Variants in PDE3B observed in about 807,000 individuals in gnomAD.
PDE3B encodes the protein phosphodiesterase 3B.
PDE3B carries 66 observed loss-of-function variants against 116.8 expected under a neutral mutation model. That is an observed-to-expected ratio of 0.56 (90% confidence interval 0.46 to 0.69). The LOEUF (loss-of-function observed/expected upper bound fraction) is 0.69. Among genes scored for constraint, PDE3B ranks in the 30% least tolerant of loss-of-function variants. The pLI is 0.00. For missense variants in PDE3B, 1,384 were observed against 1,368.1 expected, an observed-to-expected ratio of 1.01 and a Z score of -0.18; for synonymous variants, 595 against 533.6, an observed-to-expected ratio of 1.12 and a Z score of -1.59.
intron 14 of PDE3B, among the ~76,000 whole-genome samples, chr11:14,866,381 T>C (rs1555008056): frequency 6.6e-6 from 1 of 152,196 alleles, no homozygotes; most frequent in Non-Finnish European, 1.5e-5. Context: ...CAGATATTGA[T>C]GTAAAATTCT....
intron 7 of PDE3B, among the ~76,000 whole-genome samples, chr11:14,825,828 T>C (rs1195925083): frequency 1.3e-5 from 2 of 152,192 alleles, no homozygotes; most frequent in Admixed American, 6.5e-5. Flanking sequence ...CAACAGAATG[T>C]ACATTTTTCT....
rs2133734886 is a variant in PDE3B at position 14,644,252 on chromosome 11, GCGGCCGCCGC to G, written c.183_192del (p.Pro62LeufsTer48). 1.3e-6 allele frequency: 2 copies of G among 1,571,968 alleles called. No homozygotes were observed. The highest frequency in any genetic ancestry group is 4.8e-5 in the East Asian group (2 of 41,724). ...TCTGCCGCTTCTGCAACGTGGAGCT[GCGGCCGCCGC>G]CGGCCTCTCCCCAGCAGCCGCGGCG... On this transcript the variant is annotated frameshift_variant, in exon 1 of 16. Transcript: ENST00000282096. LOFTEE classifies it high-confidence loss of function.
intron 12 of PDE3B, among the ~76,000 whole-genome samples, chr11:14,846,842 A>G (rs1356617560): frequency 1.3e-5 from 2 of 152,218 alleles, no homozygotes; most frequent in East Asian, 3.8e-4. Context: ...TCATAAAGCA[A>G]GTCCTGAGTA....
chr11:14,716,671 ACAC>A (rs1855910464), intron 1 of PDE3B, among the ~76,000 whole-genome samples: 1 of 66,604 alleles, frequency 1.5e-5, no homozygotes, highest in African/African-American at 6.0e-5. Flanking sequence ...CTGACACCTC[ACAC>A]GGCAGGGTAT....
chr11:14,786,333 T>G, intron 2 of PDE3B, 104 bp from the exon 3 acceptor site: 1 of 783,482 alleles, frequency 1.3e-6, no homozygotes, highest in Non-Finnish European at 1.9e-6. Context: ...CACGGTTATT[T>G]GCTACATATA....
At chr11:14,862,650 T>G (rs1339033862) in intron 14 of PDE3B, among the ~76,000 whole-genome samples, 5 of 152,196 alleles carry the variant, frequency 3.3e-5, no homozygotes, top group Non-Finnish European at 5.9e-5. Flanking sequence ...CTCGGCTCAC[T>G]GCAACCTCTG....
At chr11:14,832,971 C>T in intron 10 of PDE3B, 138 bp downstream of exon 10, 3 of 492,262 alleles carry the variant, frequency 6.1e-6, no homozygotes, top group Non-Finnish European at 1.1e-5. Context: ...TTTCTTGAGA[C>T]AAGAGTCTTG....
Position 14,733,678 on chromosome 11 carries a change from G to A in PDE3B, c.979-38259G>A, listed in dbSNP as rs117212651. On this transcript the variant is annotated intron_variant, in intron 1 of 15. Coordinates refer to ENST00000282096, the MANE Select transcript of PDE3B (RefSeq NM_000922.4). ...GCTTTTGTACAGGATCATTTTGTGGGAAATGGTGGGTCTGAAAAGTAAGCC... is the reference window on the plus strand; with the variant it reads ...GCTTTTGTACAGGATCATTTTGTGGAAAATGGTGGGTCTGAAAAGTAAGCC... Among the ~76,000 whole-genome samples, 380 of 152,232 alleles carry A rather than the reference G, an allele frequency of 2.5e-3. 2 individuals carry two copies. Among genetic ancestry groups the A allele is most frequent in the Admixed American group, 5.2e-3 (79 of 15,274 alleles).
intron 11 of PDE3B, among the ~76,000 whole-genome samples, chr11:14,836,170 T>G (rs767834426): frequency 8.5e-5 from 13 of 152,212 alleles, no homozygotes; most frequent in Non-Finnish European, 1.9e-4. Flanking sequence ...GTGCTTTTAT[T>G]AGAGATAATT....
intron 7 of PDE3B, among the ~76,000 whole-genome samples, chr11:14,825,699 A>G (rs1363275300): frequency 1.3e-5 from 2 of 152,246 alleles, no homozygotes; most frequent in Non-Finnish European, 1.5e-5. Context: ...AGAGACTTCA[A>G]CACTCCACTG....
the PDE3B span, chr11:14,892,319 C>A: frequency 1.9e-6 from 2 of 1,035,330 alleles, no homozygotes; most frequent in South Asian, 1.4e-5. Context: ...AGCTCCGTGG[C>A]CATTGGCTGA....
chr11:14,831,441 G>A (rs1037118328), intron 8 of PDE3B, among the ~76,000 whole-genome samples, 199 bp from the exon 9 acceptor site: 1 of 151,756 alleles, frequency 6.6e-6, no homozygotes, highest in African/African-American at 2.4e-5. Context: ...TTACACCCAG[G>A]AGTTATGTTT....
At chr11:14,790,186 T>C (rs1328654928) in intron 4 of PDE3B, among the ~76,000 whole-genome samples, 1 of 152,036 alleles carries the variant, frequency 6.6e-6, no homozygotes, top group African/African-American at 2.4e-5. Flanking sequence ...TCTTGTATAA[T>C]ATATTCAAGC....
chr11:14,644,351 G>A lies in PDE3B; in HGVS notation c.276G>A (p.Leu92=), dbSNP rs1356402710. 1 of 1,590,836 alleles carries A rather than the reference G, an allele frequency of 6.3e-7. No individual in the cohort carries two copies. The highest frequency in any genetic ancestry group is 1.4e-5 in the African/African-American group (1 of 73,570). Residue 92 remains leucine (L), a synonymous_variant, in exon 1 of 16, where the codon CTG becomes CTA. Transcript: ENST00000282096. ...CCCTGGCTGCCTTTGTCCTCGCCCT[G>A]CTGCTGGGCGCGGAACCCGAGAGCT... is the stretch of plus-strand genomic sequence containing the variant. ...LGALAAFVLA[L]LLGAEPESWA... is the part of the protein sequence containing the mutation.
rs1257879405 is a variant in PDE3B, at chr11:14,644,736, C to T, written c.661C>T (p.Leu221=). 6.4e-7 allele frequency: 1 copy of T among 1,573,602 alleles called. No individual in the cohort carries two copies. Among genetic ancestry groups the T allele is most frequent in the South Asian group, 1.1e-5 (1 of 87,210 alleles). The change falls in exon 1 of 16, where the codon CTG becomes TTG. Residue 221 remains leucine, a synonymous_variant. Coordinates refer to ENST00000282096, the MANE Select transcript of PDE3B (RefSeq NM_000922.4). The part of the protein sequence containing the change: ...AHPLRLRHCV[L]VLLLASFVWW... ...CCCGCTGCGGCTCCGGCACTGCGTT[C>T]TGGTGCTGCTCCTGGCCAGCTTCGT...
intron 1 of PDE3B, among the ~76,000 whole-genome samples, chr11:14,754,536 G>A (rs555390826): frequency 6.6e-6 from 1 of 152,034 alleles, no homozygotes; most frequent in African/African-American, 2.4e-5. Flanking sequence ...ATAGTGTTTT[G>A]GAATGTGAGC....
At chr11:14,670,050 C>T (rs936933021) in intron 1 of PDE3B, among the ~76,000 whole-genome samples, 1 of 152,020 alleles carries the variant, frequency 6.6e-6, no homozygotes, top group Non-Finnish European at 1.5e-5. Flanking sequence ...GATAGTTGGT[C>T]GAGTTTTGTG....
intron 1 of PDE3B, among the ~76,000 whole-genome samples, chr11:14,736,481 C>G (rs896885355): frequency 6.6e-6 from 1 of 152,154 alleles, no homozygotes; most frequent in Non-Finnish European, 1.5e-5. Flanking sequence ...GTACTTTTTA[C>G]TGACAAGAGT....
At chr11:14,751,023 A>G (rs566909117) in intron 1 of PDE3B, among the ~76,000 whole-genome samples, 44 of 152,158 alleles carry the variant, frequency 2.9e-4, no homozygotes, top group Non-Finnish European at 2.8e-4. Flanking sequence ...CATGTTGTCT[A>G]TATCACAGAT....
Sources: allele counts gnomAD v4.1 joint callset (sites outside exome capture counted in the v4.1 genomes callset), GRCh38; gene constraint gnomAD v4.1.1; transcripts MANE v1.5; gene names NCBI Gene and HGNC (gene_info 2026-07-23, HGNC 2026-07-21).